AJAP1: variants seen among roughly 807,000 people sequenced by gnomAD.
The protein encoded by AJAP1 is adherens junction-associated protein 1.
Under a neutral mutation model 35.0 loss-of-function variants are expected in AJAP1, and 5 were observed. That is an observed-to-expected ratio of 0.14 (90% CI 0.07 to 0.30). The LOEUF (loss-of-function observed/expected upper bound fraction) is 0.30. Ranked by LOEUF, AJAP1 falls within the 10% of genes least tolerant of loss-of-function variation. AJAP1 has a pLI of 1.00. For synonymous variants in AJAP1, 284 were observed against 249.3 expected, an observed-to-expected ratio of 1.14 and a Z score of -1.31; for missense variants, 586 against 571.0, an observed-to-expected ratio of 1.03 and a Z score of -0.27.
intron 1 of AJAP1, among the ~76,000 whole-genome samples, chr1:4,676,613 G>T (rs954624276): frequency 6.6e-6 from 1 of 152,162 alleles, no homozygotes; most frequent in African/African-American, 2.4e-5. Context: ...AAGTAATCAG[G>T]AGATGATGGG....
chr1:4,728,901 A>G (rs1191022243), intron 2 of AJAP1, among the ~76,000 whole-genome samples: 1 of 152,084 alleles, frequency 6.6e-6, no homozygotes, highest in East Asian at 1.9e-4. Flanking sequence ...CACCGGGGAC[A>G]TGGGAGCTCT....
rs1343980424 is a variant in AJAP1, at chr1:4,784,717, A to AT, written c.*2236dup. On this transcript the variant is annotated 3_prime_UTR_variant, in exon 6 of 6. Coordinates refer to ENST00000378191, the MANE Select transcript of AJAP1 (RefSeq NM_018836.4). Reference sequence around the variant, plus strand: ...TTCTTTAGTTTTTGTTCTGTCATTTATTTTCCCCCCAAGCTTTGGCACATC... The same window carrying AT: ...TTCTTTAGTTTTTGTTCTGTCATTTATTTTTCCCCCCAAGCTTTGGCACATC... 6.6e-6 allele frequency: 1 copy of AT among 152,156 alleles called. No homozygotes were observed. The highest frequency in any genetic ancestry group is 1.5e-5 in the Non-Finnish European group (1 of 68,044). 9.4% of individuals were successfully genotyped at this position (152,156 alleles called of 1,614,324 possible).
At chr1:4,776,553 T>A (rs1557651116) in intron 5 of AJAP1, among the ~76,000 whole-genome samples, 1 of 152,030 alleles carries the variant, frequency 6.6e-6, no homozygotes, top group African/African-American at 2.4e-5. Context: ...TTAAAAAAAA[T>A]AAAAAGATAA....
At chr1:4,761,678 C>T (rs1641569753) in intron 2 of AJAP1, among the ~76,000 whole-genome samples, 1 of 152,164 alleles carries the variant, frequency 6.6e-6, no homozygotes, top group Admixed American at 6.5e-5. Flanking sequence ...CCCACAATTC[C>T]CACAATAGGC....
intron 2 of AJAP1, among the ~76,000 whole-genome samples, chr1:4,752,780 A>G (rs1205746080): frequency 6.6e-6 from 1 of 152,216 alleles, no homozygotes; most frequent in African/African-American, 2.4e-5. Context: ...TCTTCCAAGA[A>G]GAGTTTGCTT....
intron 2 of AJAP1, among the ~76,000 whole-genome samples, chr1:4,724,925 C>T (rs1640614032): frequency 6.6e-6 from 1 of 152,160 alleles, no homozygotes; most frequent in Non-Finnish European, 1.5e-5. Flanking sequence ...AGGTACAGTT[C>T]TCCACAAGCA....
At position 4,786,743 on chromosome 1, in the gene AJAP1, G is replaced by T. The variant is rs573705767; in HGVS notation, c.*4258G>T. 7 of 152,196 alleles carry T rather than the reference G, an allele frequency of 4.6e-5. No individual in the cohort carries two copies. Among genetic ancestry groups the T allele is most frequent in the Non-Finnish European group, 7.3e-5 (5 of 68,060 alleles). 9.4% of individuals were successfully genotyped at this position (152,196 alleles called of 1,614,324 possible). A position where few individuals can be genotyped will look rare whatever the true frequency, so the allele number is the denominator to read the frequency against. ...ACTGACCCTGTATCTTGAAAGATAAGACCAGGAACCGGGAGTGAGGCTGGG... is the reference window on the plus strand; with the variant it reads ...ACTGACCCTGTATCTTGAAAGATAATACCAGGAACCGGGAGTGAGGCTGGG... On this transcript the variant is annotated 3_prime_UTR_variant, in exon 6 of 6. Coordinates refer to ENST00000378191, the MANE Select transcript of AJAP1 (RefSeq NM_018836.4).
chr1:4,676,378 C>T (rs1639363460), intron 1 of AJAP1, among the ~76,000 whole-genome samples: 1 of 152,196 alleles, frequency 6.6e-6, no homozygotes, highest in African/African-American at 2.4e-5. Context: ...AGGCCACCCG[C>T]TTCTGAAACA....
Position 4,712,522 on chromosome 1 carries a change from G to GCCACCACCA in AJAP1, c.666_674dup (p.Thr223_Thr225dup), listed in dbSNP as rs529940202. The GCCACCACCA allele has an allele frequency of 1.7e-5, 28 of 1,609,856 alleles. No individual in the cohort carries two copies. The Admixed American group carries it at 2.5e-4, about 14-fold the overall frequency. On this transcript the variant is annotated inframe_insertion, in exon 2 of 6. Transcript: ENST00000378191. ...ACAAACACGGAAGACAACTGTGGCC[G>GCCACCACCA]CCACCACCACCACCACCACCACGGC...
At chr1:4,747,559 G>A (rs1036983031) in intron 2 of AJAP1, among the ~76,000 whole-genome samples, 1 of 152,126 alleles carries the variant, frequency 6.6e-6, no homozygotes, top group Non-Finnish European at 1.5e-5. Flanking sequence ...GTCCCTCTTG[G>A]GCCCCATTCT....
Position 4,712,234 on chromosome 1 carries a change from G to A in AJAP1, c.364G>A (p.Ala122Thr), listed in dbSNP as rs1423144396. Residue 122 changes from alanine (A) to threonine (T), a missense_variant, in exon 2 of 6, where the codon GCT becomes ACT. Ala to Thr is a moderately conservative substitution (Grantham distance 58). Coordinates refer to ENST00000378191, the MANE Select transcript of AJAP1 (RefSeq NM_018836.4). ...CAAGGCAGGACTGGCCAAGCCCCCA[G>A]CTGCTGCCAAATCCAGCCCTTCCCT... The part of the protein sequence containing the change: ...VPKAGLAKPP[A>T]AAKSSPSLAS... 1 of 1,535,770 alleles carries A rather than the reference G, an allele frequency of 6.5e-7. No individual in the cohort carries two copies. The highest frequency in any genetic ancestry group is 2.1e-5 in the Admixed American group (1 of 48,000).
intron 2 of AJAP1, among the ~76,000 whole-genome samples, chr1:4,721,038 C>T (rs556829206): frequency 1.2e-4 from 18 of 152,338 alleles, no homozygotes; most frequent in African/African-American, 4.3e-4. Context: ...GCACGACTCT[C>T]CCCTTTACAT....
At position 4,783,843 on chromosome 1, in the gene AJAP1, C is replaced by T. The variant is rs551328539; in HGVS notation, c.*1358C>T. 20 of 152,190 alleles carry T rather than the reference C, an allele frequency of 1.3e-4. No individual in the cohort carries two copies. Among genetic ancestry groups the T allele is most frequent in the Non-Finnish European group, 2.1e-4 (14 of 68,010 alleles). 9.4% of individuals were successfully genotyped at this position (152,190 alleles called of 1,614,324 possible). On this transcript the variant is annotated 3_prime_UTR_variant, in exon 6 of 6. Coordinates refer to ENST00000378191, the MANE Select transcript of AJAP1 (RefSeq NM_018836.4). ...GAACTTAGACATACGTGAAGGGCCC[C>T]GGTTGGTTTGAAAACGAAAAATAGT...
intron 1 of AJAP1, among the ~76,000 whole-genome samples, chr1:4,676,034 A>G (rs1309361829): frequency 2.6e-5 from 4 of 152,200 alleles, no homozygotes; most frequent in Non-Finnish European, 4.4e-5. Flanking sequence ...GTCCTCGTGC[A>G]GGGACGGCCT....
chr1:4,707,759 T>C (rs1219774722), intron 1 of AJAP1, among the ~76,000 whole-genome samples: 1 of 152,100 alleles, frequency 6.6e-6, no homozygotes, highest in Non-Finnish European at 1.5e-5. Context: ...CAGATGTCTG[T>C]GCCTAAGAGA....
rs545261254 is a variant in AJAP1 at position 4,734,145 on chromosome 1, G to A, written c.829+21446G>A. Among the ~76,000 whole-genome samples, 123 of 152,336 alleles carry A rather than the reference G, an allele frequency of 8.1e-4. No homozygotes were observed. Among genetic ancestry groups the A allele is most frequent in the South Asian group, 1.0e-3 (5 of 4,832 alleles). ...TTAAAATCCAAATACAGACCTGCCA[G>A]GGCCCTGAACCCATGCACTTGTTCT... is the stretch of plus-strand genomic sequence containing the variant. On this transcript the variant is annotated intron_variant, in intron 2 of 5. Coordinates refer to ENST00000378191, the MANE Select transcript of AJAP1 (RefSeq NM_018836.4). This position sits in a 1 kb window ranked among gnomAD's most constrained non-coding sequence, Gnocchi z 4.3.
chr1:4,740,236 T>G (rs945610407), intron 2 of AJAP1, among the ~76,000 whole-genome samples: 1 of 151,082 alleles, frequency 6.6e-6, no homozygotes, highest in African/African-American at 2.4e-5. Flanking sequence ...CTTGAGGACA[T>G]TCTGCTAAGC....
chr1:4,765,269 G>A (rs1420582880), intron 2 of AJAP1, among the ~76,000 whole-genome samples: 1 of 152,192 alleles, frequency 6.6e-6, no homozygotes, highest in Non-Finnish European at 1.5e-5. Context: ...TTGCTTGTTT[G>A]TTCCTTCCTT....
rs564463710 is a variant in AJAP1 at position 4,685,084 on chromosome 1, C to T, written c.30-26816C>T. 5.3e-5 allele frequency among the ~76,000 whole-genome samples: 8 copies of T among 152,238 alleles called. No homozygotes were observed. In the East Asian group the frequency reaches 7.7e-4, roughly 15 times the overall value. ...TCTCTGGAGGATGCAGTCATGGCCC[C>T]GAACCCCCTCTGATCTGTCCAGCGT... On this transcript the variant is annotated intron_variant, in intron 1 of 5. Transcript: ENST00000378191.
Sources: gnomAD v4.1 joint callset for allele counts (sites outside exome capture counted in the v4.1 genomes callset) on GRCh38, gnomAD v4.1.1 for gene constraint, Gnocchi (gnomAD v3.1) non-coding constraint, MANE v1.5 for transcripts, NCBI Gene and HGNC (gene_info 2026-07-23, HGNC 2026-07-21) for gene names.